Variants in PTPRZ1 observed in about 807,000 individuals in gnomAD.
PTPRZ1 encodes protein tyrosine phosphatase receptor type Z1.
PTPRZ1 carries 82 observed loss-of-function variants against 214.1 expected under a neutral mutation model. The observed-to-expected ratio is 0.38, with a 90% CI of 0.32 to 0.46. PTPRZ1 has a LOEUF of 0.46. PTPRZ1 is among the 20% of genes least tolerant of loss of function. The pLI, the probability that PTPRZ1 is intolerant of heterozygous loss-of-function variation, is 1.00. For synonymous variants in PTPRZ1, 945 were observed against 987.9 expected (o/e 0.96, Z 0.81); for missense variants, 2,603 against 2,748.7 (o/e 0.95, Z 1.19).
At position 122,012,116 on chromosome 7, in the gene PTPRZ1, G is replaced by A. The variant is rs74821923; in HGVS notation, c.3070G>A (p.Val1024Ile). ...TALNISSPVS[V>I]AEFTYTTSVF... Reference sequence around the variant, plus strand: ...CCTTAACATTTCTTCACCTGTTTCTGTAGCTGAATTTACATATACAACATC... The same window carrying A: ...CCTTAACATTTCTTCACCTGTTTCTATAGCTGAATTTACATATACAACATC... Residue 1024 changes from valine to isoleucine, a missense_variant, in exon 12 of 30, where the codon GTA becomes ATA. Physicochemically the swap from Val to Ile is conservative, Grantham distance 29. This residue lies in a region of PTPRZ1 where 1,913 missense variants were observed against 1,914.3 expected (regional missense o/e 1.00). Transcript: ENST00000393386. 1.2e-6 allele frequency: 2 copies of A among 1,613,862 alleles called. No homozygotes were observed. Among genetic ancestry groups the A allele is most frequent in the Non-Finnish European group, 1.7e-6 (2 of 1,179,772 alleles).
At chr7:122,025,181 G>A (rs942384728) in intron 13 of PTPRZ1, among the ~76,000 whole-genome samples, 4 of 151,860 alleles carry the variant, frequency 2.6e-5, no homozygotes, top group African/African-American at 9.7e-5. Context: ...AAAGATATAA[G>A]CACAAAACAA....
intron 1 of PTPRZ1, among the ~76,000 whole-genome samples, chr7:121,916,784 T>C (rs1320915135): frequency 6.6e-6 from 1 of 152,156 alleles, no homozygotes; most frequent in Admixed American, 6.5e-5. Flanking sequence ...TTGGTCAAGA[T>C]AGGTCACCAA....
chr7:121,982,462 A>C (rs990689601), intron 6 of PTPRZ1, among the ~76,000 whole-genome samples: 7 of 152,200 alleles, frequency 4.6e-5, no homozygotes, highest in African/African-American at 1.7e-4. Context: ...TCTATGAATC[A>C]ATTTGGGGAA....
intron 1 of PTPRZ1, among the ~76,000 whole-genome samples, chr7:121,900,681 C>T (rs1468938769): frequency 2.6e-5 from 4 of 152,160 alleles, no homozygotes; most frequent in Non-Finnish European, 4.4e-5. Flanking sequence ...CCTCTTCCTG[C>T]CTGGCTCTAA....
chr7:122,018,663 A>C (rs1225940239), intron 12 of PTPRZ1, among the ~76,000 whole-genome samples: 2 of 152,170 alleles, frequency 1.3e-5, no homozygotes, highest in Non-Finnish European at 2.9e-5. Flanking sequence ...TTTCTTCATG[A>C]AATTATTAAT....
At chr7:121,880,777 C>T (rs555628945) in intron 1 of PTPRZ1, among the ~76,000 whole-genome samples, 4 of 151,756 alleles carry the variant, frequency 2.6e-5, no homozygotes, top group Non-Finnish European at 5.9e-5. Context: ...AAATTTTTAC[C>T]CACTTGCATT....
intron 2 of PTPRZ1, among the ~76,000 whole-genome samples, chr7:121,931,667 A>G (rs1795929687): frequency 6.6e-6 from 1 of 152,190 alleles, no homozygotes; most frequent in South Asian, 2.1e-4. Flanking sequence ...TATGATAGCA[A>G]CAGCACATAC....
chr7:122,037,116 C>CA (rs1050232393), intron 18 of PTPRZ1, among the ~76,000 whole-genome samples: 26 of 151,032 alleles, frequency 1.7e-4, no homozygotes, highest in Admixed American at 7.2e-4. Flanking sequence ...ACTAAAAATA[C>CA]AAAAAAAAAT....
At chr7:122,023,295 G>C (rs1177672188) in intron 13 of PTPRZ1, among the ~76,000 whole-genome samples, 1 of 151,128 alleles carries the variant, frequency 6.6e-6, no homozygotes, top group African/African-American at 2.4e-5. Context: ...AGAAAATCCA[G>C]ATCTCTTTCC....
At chr7:121,893,507 G>A (rs369921526) in intron 1 of PTPRZ1, among the ~76,000 whole-genome samples, 15 of 152,338 alleles carry the variant, frequency 9.8e-5, no homozygotes, top group African/African-American at 2.9e-4. Context: ...GGCAAAGCCT[G>A]TGTATTCCCT....
chr7:122,026,332 A>AT (rs1487128490), intron 13 of PTPRZ1, among the ~76,000 whole-genome samples: 1 of 152,170 alleles, frequency 6.6e-6, no homozygotes, highest in African/African-American at 2.4e-5. Context: ...TCGTTGAAAT[A>AT]TTTTTTAAAA....
intron 2 of PTPRZ1, among the ~76,000 whole-genome samples, chr7:121,966,545 C>G (rs1284926679): frequency 6.6e-6 from 1 of 152,188 alleles, no homozygotes; most frequent in East Asian, 1.9e-4. Flanking sequence ...ATACACATCA[C>G]TGTGCATATT....
intron 10 of PTPRZ1, among the ~76,000 whole-genome samples, chr7:121,998,399 G>A (rs1473792459): frequency 6.6e-6 from 1 of 152,044 alleles, no homozygotes; most frequent in Non-Finnish European, 1.5e-5. Context: ...GTGTATACAT[G>A]ATCCTAAGAC....
intron 2 of PTPRZ1, among the ~76,000 whole-genome samples, chr7:121,932,324 A>AT (rs1415949780): frequency 2.0e-5 from 3 of 152,156 alleles, no homozygotes; most frequent in Non-Finnish European, 2.9e-5. Flanking sequence ...GTTTGGTAGT[A>AT]TTTTTTAATT....
At chr7:121,921,978 T>C (rs1425442809) in intron 1 of PTPRZ1, among the ~76,000 whole-genome samples, 5 of 152,170 alleles carry the variant, frequency 3.3e-5, no homozygotes, top group African/African-American at 4.8e-5. Context: ...TGGGTAAAGA[T>C]AGGCTGTATG....
At chr7:121,906,552 A>G (rs1034789726) in intron 1 of PTPRZ1, among the ~76,000 whole-genome samples, 2 of 152,190 alleles carry the variant, frequency 1.3e-5, no homozygotes, top group Non-Finnish European at 1.5e-5. Flanking sequence ...ATTAAGCTTC[A>G]TAAGAAATAT....
chr7:122,020,360 G>T (rs1798979570), intron 13 of PTPRZ1, among the ~76,000 whole-genome samples: 1 of 152,172 alleles, frequency 6.6e-6, no homozygotes, highest in Non-Finnish European at 1.5e-5. Context: ...TGTATGCGTA[G>T]CAGTTGAAAT....
At chr7:121,973,431 A>AAAT (rs1440125314) in intron 4 of PTPRZ1, among the ~76,000 whole-genome samples, 2 of 152,186 alleles carry the variant, frequency 1.3e-5, no homozygotes, top group Admixed American at 1.3e-4. Flanking sequence ...AAAATTAATT[A>AAAT]AATATTGACT....
chr7:121,964,577 A>G (rs1001544850), intron 2 of PTPRZ1, among the ~76,000 whole-genome samples: 2 of 152,140 alleles, frequency 1.3e-5, no homozygotes, highest in Admixed American at 1.3e-4. Context: ...CAGCCAAACC[A>G]TATCAAACAC....
Sources: gnomAD v4.1 joint callset for allele counts (sites outside exome capture counted in the v4.1 genomes callset) on GRCh38, gnomAD v4.1.1 for gene constraint, gnomAD v4.1.1 regional missense constraint, MANE v1.5 for transcripts, NCBI Gene and HGNC (gene_info 2026-07-23, HGNC 2026-07-21) for gene names.